KIF26B: variants seen among roughly 807,000 people sequenced by gnomAD.
KIF26B encodes the protein kinesin-like protein KIF26B.
Under a neutral mutation model 151.2 loss-of-function variants are expected in KIF26B, and 63 were observed. The ratio of observed to expected loss-of-function variants is 0.42; its 90% CI spans 0.34 to 0.51. The LOEUF is 0.51. Ranked by LOEUF, KIF26B falls within the 20% of genes least tolerant of loss-of-function variation. KIF26B has a pLI of 0.07. For missense variants in KIF26B, 2,813 were observed against 2,913.6 expected, an observed-to-expected ratio of 0.97 and a Z score of 0.79; for synonymous variants, 1,357 against 1,262.1, an observed-to-expected ratio of 1.08 and a Z score of -1.59.
intron 4 of KIF26B, among the ~76,000 whole-genome samples, chr1:245,538,072 G>A (rs1380114991): frequency 1.3e-5 from 2 of 152,152 alleles, no homozygotes; most frequent in Admixed American, 6.5e-5. Context: ...CCTAGAAACC[G>A]AGCAGAAAGG....
At position 245,358,423 on chromosome 1, in the gene KIF26B, G is replaced by C. The variant is rs1672744833; in HGVS notation, c.466-8411G>C. 6.6e-6 allele frequency among the ~76,000 whole-genome samples: 1 copy of C among 152,172 alleles called. No individual in the cohort carries two copies. The highest frequency in any genetic ancestry group is 2.4e-5 in the African/African-American group (1 of 41,448). On this transcript the variant is annotated intron_variant, in intron 2 of 14. Transcript: ENST00000407071. The surrounding 1 kb of genome is among the most constrained non-coding windows in gnomAD (Gnocchi z 4.1). ...TAGTCCCAGCTACTCGGGAGGCTGA[G>C]GCAGGAGAATGGTGTGAACCTGGGA...
intron 3 of KIF26B, among the ~76,000 whole-genome samples, chr1:245,397,901 C>G (rs905533353): frequency 2.0e-5 from 3 of 152,168 alleles, no homozygotes; most frequent in Non-Finnish European, 4.4e-5. Flanking sequence ...GGCATGTGGA[C>G]GAGGTCCAGA....
intron 9 of KIF26B, among the ~76,000 whole-genome samples, chr1:245,645,251 G>A (rs942520169): frequency 6.6e-6 from 1 of 152,122 alleles, no homozygotes; most frequent in Non-Finnish European, 1.5e-5. Flanking sequence ...GGGGGTGGAC[G>A]ACACATCTCC....
rs1668696027 is a variant in KIF26B at position 245,170,850 on chromosome 1, C to T, written c.465+14167C>T. On this transcript the variant is annotated intron_variant, in intron 2 of 14. Coordinates refer to ENST00000407071, the MANE Select transcript of KIF26B (RefSeq NM_018012.4). The surrounding 1 kb of genome is among the most constrained non-coding windows in gnomAD (Gnocchi z 4.4). ...TAAGCGTTCAGTCTGTTGCAGCAAG[C>T]ATGAGGTCACTTGTCTAGACACTGA... Among the ~76,000 whole-genome samples the T allele has an allele frequency of 6.6e-6, 1 of 152,188 alleles. No homozygotes were observed. Among genetic ancestry groups the T allele is most frequent in the South Asian group, 2.1e-4 (1 of 4,830 alleles).
At chr1:245,288,792 AT>A (rs1017090439) in intron 2 of KIF26B, among the ~76,000 whole-genome samples, 3 of 151,772 alleles carry the variant, frequency 2.0e-5, no homozygotes, top group Admixed American at 6.6e-5. Context: ...AAAGGTCTTG[AT>A]TTTTTTTTCC....
intron 2 of KIF26B, among the ~76,000 whole-genome samples, chr1:245,193,796 C>T (rs1669149023): frequency 6.6e-6 from 1 of 152,210 alleles, no homozygotes; most frequent in African/African-American, 2.4e-5. Context: ...TTTATGACAA[C>T]TTACTTGTTC....
At chr1:245,309,806 G>T (rs1474211342) in intron 2 of KIF26B, among the ~76,000 whole-genome samples, 1 of 143,044 alleles carries the variant, frequency 7.0e-6, no homozygotes, top group African/African-American at 2.6e-5. Flanking sequence ...AGGCCGCGTG[G>T]TCTTAGGTAC....
At chr1:245,235,788 C>G (rs1346897157) in intron 2 of KIF26B, among the ~76,000 whole-genome samples, 1 of 152,136 alleles carries the variant, frequency 6.6e-6, no homozygotes, top group Non-Finnish European at 1.5e-5. Flanking sequence ...TAAGCAGGAA[C>G]AGTGTGTACA....
intron 9 of KIF26B, among the ~76,000 whole-genome samples, chr1:245,627,339 A>T (rs1298504032): frequency 6.6e-6 from 1 of 152,180 alleles, no homozygotes; most frequent in Non-Finnish European, 1.5e-5. Context: ...TGAACTCAGG[A>T]TTCAGAAACT....
chr1:245,679,486 T>TTG (rs796728046), intron 10 of KIF26B, among the ~76,000 whole-genome samples: 5 of 102,214 alleles, frequency 4.9e-5, no homozygotes, highest in African/African-American at 6.9e-5. Context: ...TTTTTTTTTT[T>TTG]GACACAAGGT....
intron 2 of KIF26B, among the ~76,000 whole-genome samples, chr1:245,306,659 C>T (rs184648480): frequency 9.9e-5 from 15 of 152,272 alleles, no homozygotes; most frequent in Admixed American, 2.6e-4. Flanking sequence ...CCACCCCCCA[C>T]CATCTATACA....
chr1:245,302,247 A>G (rs1671438946), intron 2 of KIF26B, among the ~76,000 whole-genome samples: 1 of 152,248 alleles, frequency 6.6e-6, no homozygotes. Flanking sequence ...TATGTTTGTC[A>G]GTACGAGTCA....
intron 3 of KIF26B, among the ~76,000 whole-genome samples, chr1:245,391,150 A>G (rs1310758698): frequency 1.3e-5 from 2 of 152,112 alleles, no homozygotes; most frequent in African/African-American, 4.8e-5. Context: ...GTAAACCAGT[A>G]TTTTCCAAAT....
At chr1:245,191,514 A>C (rs772837361) in intron 2 of KIF26B, among the ~76,000 whole-genome samples, 7 of 152,196 alleles carry the variant, frequency 4.6e-5, no homozygotes, top group Non-Finnish European at 1.0e-4. Context: ...ATATATAAAA[A>C]AATCTAGAAG....
chr1:245,401,879 A>C (rs1469887360), intron 3 of KIF26B, among the ~76,000 whole-genome samples: 1 of 146,124 alleles, frequency 6.8e-6, no homozygotes, highest in East Asian at 1.9e-4. Context: ...CCAAACAAAC[A>C]AACAAACAAA....
chr1:245,216,719 C>T (rs115369187), intron 2 of KIF26B, among the ~76,000 whole-genome samples: 3,075 of 152,192 alleles, frequency 0.02, 104 homozygotes, highest in African/African-American at 0.068. Context: ...AGGCATCACC[C>T]GGCTCTGCAA....
intron 9 of KIF26B, among the ~76,000 whole-genome samples, chr1:245,617,084 TTTTGTTTG>T (rs139746401): frequency 3.2e-4 from 49 of 151,000 alleles, no homozygotes; most frequent in Non-Finnish European, 6.2e-4. Flanking sequence ...TAATCTGTTT[TTTTGTTTG>T]TTTGTTTGTT....
At chr1:245,210,266 G>C (rs1311111621) in intron 2 of KIF26B, among the ~76,000 whole-genome samples, 3 of 152,172 alleles carry the variant, frequency 2.0e-5, no homozygotes, top group African/African-American at 7.2e-5. Flanking sequence ...CGCAGCCTCT[G>C]GCCTCAGCCT....
intron 4 of KIF26B, among the ~76,000 whole-genome samples, chr1:245,513,497 G>T (rs565914397): frequency 6.6e-6 from 1 of 152,300 alleles, no homozygotes; most frequent in South Asian, 2.1e-4. Context: ...ACTGATAAGG[G>T]CAGATGGTGA....
Sources: gnomAD v4.1 joint callset for allele counts (sites outside exome capture counted in the v4.1 genomes callset) on GRCh38, gnomAD v4.1.1 for gene constraint, Gnocchi (gnomAD v3.1) non-coding constraint, MANE v1.5 for transcripts, NCBI Gene and HGNC (gene_info 2026-07-23, HGNC 2026-07-21) for gene names.